The following DENND2A variants were observed in gnomAD, a reference collection of about 807,000 sequenced individuals.
The protein encoded by DENND2A is DENN domain containing 2A.
A neutral mutation model predicts 105.3 loss-of-function variants in DENND2A; 53 were observed. That is an observed-to-expected ratio of 0.50 (90% CI 0.40 to 0.63). DENND2A has a LOEUF of 0.63. Ranked by LOEUF, DENND2A falls within the 30% of genes least tolerant of loss-of-function variation. DENND2A has a pLI of 0.00. For synonymous variants in DENND2A, 522 were observed against 508.4 expected (o/e 1.03, Z -0.36); for missense variants, 1,138 against 1,279.6 (o/e 0.89, Z 1.69).
At chr7:140,552,402 C>A (rs1011844720) in intron 12 of DENND2A, among the ~76,000 whole-genome samples, 3 of 146,406 alleles carry the variant, frequency 2.0e-5, no homozygotes, top group Non-Finnish European at 3.0e-5. Context: ...CTTTCTTTTT[C>A]TTTTCTTTCT....
At chr7:140,519,596 G>T in intron 19 of DENND2A, 36 bp downstream of exon 19, 1 of 1,584,146 alleles carries the variant, frequency 6.3e-7, no homozygotes, top group Non-Finnish European at 8.7e-7. Context: ...CAGCTCAGAG[G>T]CACACAGGCT....
chr7:140,590,894 A>AT (rs745453373), intron 3 of DENND2A, among the ~76,000 whole-genome samples: 5,332 of 151,928 alleles, frequency 0.035, 172 homozygotes, highest in African/African-American at 0.09. Context: ...AATAATAATA[A>AT]AAAAAAGGTC....
chr7:140,630,475 G>C (rs951095915), intron 1 of DENND2A, among the ~76,000 whole-genome samples: 1 of 152,108 alleles, frequency 6.6e-6, no homozygotes, highest in African/African-American at 2.4e-5. Context: ...ATAAGAATAG[G>C]AGGAAGCAGT....
chr7:140,567,105 G>C lies in DENND2A; in HGVS notation c.1760C>G (p.Thr587Ser). 6.3e-7 allele frequency: 1 copy of C among 1,598,044 alleles called. No individual in the cohort carries two copies. Among genetic ancestry groups the C allele is most frequent in the South Asian group, 1.1e-5 (1 of 88,196 alleles). The change falls in exon 9 of 20, where the codon ACC (threonine) becomes AGC (serine). Residue 587 changes from threonine (T) to serine (S), a missense_variant. Coordinates refer to ENST00000496613, the MANE Select transcript of DENND2A (RefSeq NM_015689.5). Reference protein sequence around the residue: ...QAGAAYVPELTQQFPLKLERS... With the variant: ...QAGAAYVPELSQQFPLKLERS... ...TGTTACCTTCAGAGGGAACTGTTGG[G>C]TGAGTTCTGGCACGTAGGCAGCCCC...
At chr7:140,566,144 G>T (rs889482230) in intron 9 of DENND2A, among the ~76,000 whole-genome samples, 3 of 152,098 alleles carry the variant, frequency 2.0e-5, no homozygotes, top group African/African-American at 7.2e-5. Context: ...CGATTCTACA[G>T]CCTCAGCCTC....
chr7:140,568,813 A>G lies in DENND2A; in HGVS notation c.1541T>C (p.Val514Ala). 1 of 1,614,142 alleles carries G rather than the reference A, an allele frequency of 6.2e-7. No individual in the cohort carries two copies. Among genetic ancestry groups the G allele is most frequent in the Non-Finnish European group, 8.5e-7 (1 of 1,179,986 alleles). ...GTCAGACTCACTGTTCTCATCTGTC[A>G]CTAGAAGAAAAGAACAAGGAAGAAA... ...SQSMESNSGKVTDENSESDSD... is the reference protein window; with the variant it reads ...SQSMESNSGKATDENSESDSD... Residue 514 changes from valine to alanine, a missense_variant and splice_region_variant, in exon 8 of 20, where the codon GTG (valine) becomes GCG (alanine). Transcript: ENST00000496613.
At chr7:140,551,389 T>C (rs112821320) in intron 12 of DENND2A, among the ~76,000 whole-genome samples, 1,604 of 149,616 alleles carry the variant, frequency 0.011, 38 homozygotes, top group African/African-American at 0.038. Flanking sequence ...AGCGTTGCCA[T>C]GCGGGTTCTC....
intron 5 of DENND2A, among the ~76,000 whole-genome samples, chr7:140,577,604 G>T (rs1168856726): frequency 6.6e-6 from 1 of 151,962 alleles, no homozygotes; most frequent in Admixed American, 6.6e-5. Context: ...TGCCATATTG[G>T]CCAGGCTGGT....
intron 1 of DENND2A, among the ~76,000 whole-genome samples, chr7:140,629,679 G>A (rs999023263): frequency 6.6e-6 from 1 of 152,024 alleles, no homozygotes; most frequent in East Asian, 1.9e-4. Flanking sequence ...ATGAGCTAAC[G>A]GTCTTTATAA....
chr7:140,525,797 G>A lies in DENND2A; in HGVS notation c.2506-5C>T. 1.9e-6 allele frequency: 3 copies of A among 1,599,008 alleles called. No individual in the cohort carries two copies. The highest frequency in any genetic ancestry group is 1.1e-5 in the South Asian group (1 of 88,094). On this transcript the variant is annotated splice_region_variant and splice_polypyrimidine_tract_variant and intron_variant, in intron 15 of 19. Transcript: ENST00000496613. ...GACGAGGTCAACCACAAGGACCTAT[G>A]AGATGAGACGAAAGGGACTGTTACT...
At position 140,640,679 on chromosome 7, in the gene DENND2A, T is replaced by TG. The variant is rs939197477; in HGVS notation, c.-424dup. The TG allele has an allele frequency of 6.8e-6, 1 of 148,058 alleles. No homozygotes were observed. The highest frequency in any genetic ancestry group is 2.4e-5 in the African/African-American group (1 of 40,824). The allele number at this position is 148,058 out of a possible 1,614,324, so 9.2% of individuals were successfully genotyped here. A position where few individuals can be genotyped will look rare whatever the true frequency, so the allele number is the denominator to read the frequency against. ...CCTCCCCCGGCCGCCCGCAAGCCCC[T>TG]GGGGGTCCCCGCCGCGCGCGCTCCC... On this transcript the variant is annotated 5_prime_UTR_variant, in exon 1 of 20. Coordinates refer to ENST00000496613, the MANE Select transcript of DENND2A (RefSeq NM_015689.5). This position sits in a 1 kb window ranked among gnomAD's most constrained non-coding sequence, Gnocchi z 4.9.
intron 1 of DENND2A, among the ~76,000 whole-genome samples, chr7:140,608,051 G>T (rs1420779029): frequency 6.6e-6 from 1 of 152,114 alleles, no homozygotes; most frequent in Non-Finnish European, 1.5e-5. Flanking sequence ...TTTTCCAAAA[G>T]GAAAAAAGGC....
rs974368874 is a variant in DENND2A, at chr7:140,602,137, C to A, written c.261G>T (p.Gly87=). Residue 87 remains glycine, a synonymous_variant, in exon 3 of 20, where the codon GGG becomes GGT. Transcript: ENST00000496613. The part of the protein sequence containing the change: ...SSTVERRSSD[G]VRTQVTEAKN... ...TAGCCTCTGTGACCTGAGTTCTCACCCCATCACTACTCCTCCTCTCCACCG... is the reference window on the plus strand; with the variant it reads ...TAGCCTCTGTGACCTGAGTTCTCACACCATCACTACTCCTCCTCTCCACCG... 6.2e-7 allele frequency: 1 copy of A among 1,614,158 alleles called. No individual in the cohort carries two copies. The highest frequency in any genetic ancestry group is 8.5e-7 in the Non-Finnish European group (1 of 1,180,040).
chr7:140,557,297 C>T (rs932018682), intron 11 of DENND2A, among the ~76,000 whole-genome samples: 3 of 150,770 alleles, frequency 2.0e-5, no homozygotes, highest in East Asian at 2.0e-4. Flanking sequence ...CCCAGCTACT[C>T]GGGAGGCTGA....
intron 1 of DENND2A, among the ~76,000 whole-genome samples, chr7:140,619,196 G>T (rs1339403094): frequency 6.6e-6 from 1 of 152,166 alleles, no homozygotes; most frequent in Non-Finnish European, 1.5e-5. Context: ...TTATAATATT[G>T]AAAAGTTAAA....
At chr7:140,641,170 G>A (rs1329673882), upstream of DENND2A, among the ~76,000 whole-genome samples, 2 of 152,194 alleles carry the variant, frequency 1.3e-5, no homozygotes, top group Admixed American at 6.5e-5. Context: ...TCTCGGCACC[G>A]GGCCGGGGCC....
chr7:140,604,235 A>T (rs1799616251), intron 2 of DENND2A, among the ~76,000 whole-genome samples: 1 of 152,260 alleles, frequency 6.6e-6, no homozygotes, highest in Non-Finnish European at 1.5e-5. Context: ...TTAGCTTTCT[A>T]TTCCCAAGGT....
intron 1 of DENND2A, among the ~76,000 whole-genome samples, chr7:140,630,042 G>A (rs1800678595): frequency 6.6e-6 from 1 of 151,676 alleles, no homozygotes; most frequent in African/African-American, 2.4e-5. Flanking sequence ...TGTATTTTTA[G>A]TGGAGACGGG....
chr7:140,556,206 A>G (rs1024212971), intron 11 of DENND2A, among the ~76,000 whole-genome samples: 1 of 151,762 alleles, frequency 6.6e-6, no homozygotes, highest in Non-Finnish European at 1.5e-5. Flanking sequence ...TTAGTAGAGA[A>G]GGGGTTTCGC....
Sources: allele counts gnomAD v4.1 joint callset (sites outside exome capture counted in the v4.1 genomes callset), GRCh38; gene constraint gnomAD v4.1.1; non-coding constraint Gnocchi (gnomAD v3.1); transcripts MANE v1.5; gene names NCBI Gene and HGNC (gene_info 2026-07-23, HGNC 2026-07-21).